ILRUN: variants seen among roughly 807,000 people sequenced by gnomAD.
ILRUN encodes protein ILRUN.
ILRUN carries 3 observed loss-of-function variants against 33.8 expected under a neutral mutation model. The observed-to-expected ratio is 0.09, with a 90% confidence interval of 0.04 to 0.23. ILRUN has a LOEUF of 0.23. ILRUN is among the 10% of genes least tolerant of loss of function. The probability of loss-of-function intolerance (pLI) is 1.00; values close to 1 mark genes in which losing one functional copy is unlikely to be tolerated. For missense variants in ILRUN, 210 were observed against 375.1 expected, an observed-to-expected ratio of 0.56 and a Z score of 3.64; for synonymous variants, 124 against 138.9, an observed-to-expected ratio of 0.89 and a Z score of 0.75.
At chr6:34,682,076 T>G (rs1225622718) in intron 1 of ILRUN, among the ~76,000 whole-genome samples, 2 of 147,038 alleles carry the variant, frequency 1.4e-5, no homozygotes, top group African/African-American at 5.1e-5. Flanking sequence ...GGTTTCACCA[T>G]GTTGGCCAGG....
intron 3 of ILRUN, among the ~76,000 whole-genome samples, chr6:34,618,122 G>T (rs1761936695): frequency 6.6e-6 from 1 of 152,088 alleles, no homozygotes; most frequent in South Asian, 2.1e-4. Flanking sequence ...TCAGTGCCAT[G>T]GAATTAAGAG....
intron 3 of ILRUN, among the ~76,000 whole-genome samples, chr6:34,631,913 AT>A (rs781193298): frequency 2.2e-4 from 34 of 152,322 alleles, no homozygotes; most frequent in Admixed American, 9.2e-4. Flanking sequence ...TTAAAAAAAA[AT>A]CCATAATAGT....
chr6:34,663,925 G>A (rs1762945721), intron 1 of ILRUN, among the ~76,000 whole-genome samples: 1 of 152,176 alleles, frequency 6.6e-6, no homozygotes, highest in Non-Finnish European at 1.5e-5. Context: ...TGAAACCAAT[G>A]CAATCACTTC....
intron 3 of ILRUN, among the ~76,000 whole-genome samples, chr6:34,619,739 C>G (rs1273442545): frequency 6.6e-6 from 1 of 152,150 alleles, no homozygotes. Flanking sequence ...GCCTGTAATA[C>G]TTTGGGAGGC....
intron 3 of ILRUN, among the ~76,000 whole-genome samples, chr6:34,614,072 C>A (rs768060900): frequency 6.6e-6 from 1 of 152,102 alleles, no homozygotes. Flanking sequence ...TGGAACAATT[C>A]GAGCAACATA....
At chr6:34,591,975 T>C (rs1050867081) in intron 4 of ILRUN, among the ~76,000 whole-genome samples, 1 of 152,164 alleles carries the variant, frequency 6.6e-6, no homozygotes, top group African/African-American at 2.4e-5. Flanking sequence ...AGCTTCACAG[T>C]CTTGCTTCCC....
chr6:34,656,726 C>T (rs1762777712), intron 1 of ILRUN, among the ~76,000 whole-genome samples: 1 of 152,228 alleles, frequency 6.6e-6, no homozygotes, highest in South Asian at 2.1e-4. Flanking sequence ...CTGCCTGCTC[C>T]TCCAGGTGCT....
At chr6:34,641,221 C>A (rs144815802) in intron 3 of ILRUN, among the ~76,000 whole-genome samples, 12 of 152,178 alleles carry the variant, frequency 7.9e-5, no homozygotes, top group Non-Finnish European at 1.6e-4. Flanking sequence ...GCCTAGGCAA[C>A]AGAGTCCCAC....
intron 3 of ILRUN, chr6:34,616,671 G>A: frequency 3.6e-6 from 4 of 1,100,936 alleles, no homozygotes; most frequent in Non-Finnish European, 4.1e-6. Flanking sequence ...AAGGCAAGGA[G>A]GAAGCTTATC....
At chr6:34,683,499 CATATATATATAT>C (rs769656862) in intron 1 of ILRUN, among the ~76,000 whole-genome samples, 1 of 84,564 alleles carries the variant, frequency 1.2e-5, no homozygotes, top group Non-Finnish European at 2.1e-5. Context: ...TATATATATA[CATATATATATAT>C]ATACATATAT....
At chr6:34,669,877 T>C (rs1763080456) in intron 1 of ILRUN, among the ~76,000 whole-genome samples, 2 of 151,448 alleles carry the variant, frequency 1.3e-5, no homozygotes, top group African/African-American at 2.4e-5. Flanking sequence ...CTACGTATTA[T>C]ATGATTTCCA....
At chr6:34,606,516 G>A (rs1554183118) in intron 4 of ILRUN, 39 bp downstream of exon 4, 1 of 1,548,218 alleles carries the variant, frequency 6.5e-7, no homozygotes, top group Non-Finnish European at 8.9e-7. Flanking sequence ...AAGTCCCAAG[G>A]CCCACCACCT....
intron 2 of ILRUN, among the ~76,000 whole-genome samples, chr6:34,649,992 T>C (rs188859249): frequency 6.6e-6 from 1 of 152,350 alleles, no homozygotes; most frequent in African/African-American, 2.4e-5. Flanking sequence ...TTATATTCAC[T>C]TCTATGAAGT....
In ILRUN at chr6:34,617,481, T is replaced by C. The variant is rs534012693; in HGVS notation, c.512-10577A>G. On this transcript the variant is annotated intron_variant, in intron 3 of 4. Coordinates refer to ENST00000374023, the MANE Select transcript of ILRUN (RefSeq NM_024294.4). ...TCAACTTCTAGTCTGCACTGCCACA[T>C]AATTTACTCAGCACAGTAGCCACGC... 4.1e-4 allele frequency among the ~76,000 whole-genome samples: 62 copies of C among 152,286 alleles called. 1 individual carries two copies. Among genetic ancestry groups the C allele is most frequent in the African/African-American group, 1.4e-3 (60 of 41,562 alleles).
intron 4 of ILRUN, among the ~76,000 whole-genome samples, chr6:34,600,282 G>A (rs1045850284): frequency 2.0e-5 from 3 of 151,996 alleles, no homozygotes; most frequent in African/African-American, 7.2e-5. Flanking sequence ...ACTCTCTCTC[G>A]TGGCTCTGCT....
intron 2 of ILRUN, among the ~76,000 whole-genome samples, chr6:34,652,107 G>A (rs1408932502): frequency 6.6e-6 from 1 of 152,008 alleles, no homozygotes; most frequent in Non-Finnish European, 1.5e-5. Context: ...AAGCATTTTT[G>A]ATCAGTAACA....
At chr6:34,686,059 G>GA (rs1763509028) in intron 1 of ILRUN, among the ~76,000 whole-genome samples, 1 of 151,792 alleles carries the variant, frequency 6.6e-6, no homozygotes, top group African/African-American at 2.4e-5. Context: ...CACAAGCAAA[G>GA]AAAAAAAGAA....
At position 34,696,486 on chromosome 6, in the gene ILRUN, T is replaced by G. The variant is rs1230182185; in HGVS notation, c.118A>C (p.Asn40His). The G allele has an allele frequency of 2.5e-6, 4 of 1,609,352 alleles. No individual in the cohort carries two copies. In the African/African-American group the frequency reaches 5.3e-5, roughly 22 times the overall value. The change falls in exon 1 of 5, where the codon AAT becomes CAT. Residue 40 changes from asparagine (N) to histidine (H), a missense_variant. Transcript: ENST00000374023. ...EFQRLLGFQL[N>H]PAGCAFFLDM... is the part of the protein sequence containing the mutation. ...AGGAAGAAGGCGCAACCGGCAGGATTGAGCTGGAAGCCGAGCAGCCTCTGG... is the reference window on the plus strand; with the variant it reads ...AGGAAGAAGGCGCAACCGGCAGGATGGAGCTGGAAGCCGAGCAGCCTCTGG...
Position 34,646,609 on chromosome 6 carries a change from T to A in ILRUN, c.503A>T (p.Tyr168Phe). The change falls in exon 3 of 5, where the codon TAC becomes TTC. Residue 168 changes from tyrosine to phenylalanine, a missense_variant. Physicochemically the swap from Tyr to Phe is conservative, Grantham distance 22. This residue lies in a region of ILRUN where 60 missense variants were observed against 138.1 expected (regional missense o/e 0.43). Transcript: ENST00000374023. This position sits in a 1 kb window ranked among gnomAD's most constrained non-coding sequence, Gnocchi z 4.9. The part of the protein sequence containing the change: ...QWRMCTATGL[Y>F]YGDVIWVILS... ...CACAAGGACATACTCACCTCCATAG[T>A]AGAGTCCTGTAGCAGTGCACATCCG... The A allele has an allele frequency of 6.2e-7, 1 of 1,614,062 alleles. No homozygotes were observed. Among genetic ancestry groups the A allele is most frequent in the Non-Finnish European group, 8.5e-7 (1 of 1,179,984 alleles).
Sources: allele counts gnomAD v4.1 joint callset (sites outside exome capture counted in the v4.1 genomes callset), GRCh38; gene constraint gnomAD v4.1.1; regional missense constraint gnomAD v4.1.1; non-coding constraint Gnocchi (gnomAD v3.1); transcripts MANE v1.5; gene names NCBI Gene and HGNC (gene_info 2026-07-23, HGNC 2026-07-21).